The following KDM4C variants were observed in gnomAD, a reference collection of about 807,000 sequenced individuals.
KDM4C encodes the protein lysine demethylase 4C.
KDM4C carries 81 observed loss-of-function variants against 129.3 expected under a neutral mutation model. The observed-to-expected ratio is 0.63, with a 90% confidence interval of 0.52 to 0.75. The LOEUF (loss-of-function observed/expected upper bound fraction) is 0.75. KDM4C is among the 30% of genes least tolerant of loss of function. The pLI, the probability that KDM4C is intolerant of heterozygous loss-of-function variation, is 0.00. For missense variants in KDM4C, 1,457 were observed against 1,304.0 expected (o/e 1.12, Z -1.81); for synonymous variants, 573 against 456.1 (o/e 1.26, Z -3.26).
At chr9:7,133,512 C>G (rs908728227) in intron 19 of KDM4C, among the ~76,000 whole-genome samples, 1 of 152,202 alleles carries the variant, frequency 6.6e-6, no homozygotes, top group African/African-American at 2.4e-5. Context: ...AGAGTAAGTT[C>G]ACACTCATTT....
chr9:6,954,198 T>C (rs1214081223), intron 8 of KDM4C, among the ~76,000 whole-genome samples: 2 of 152,190 alleles, frequency 1.3e-5, no homozygotes, highest in Non-Finnish European at 2.9e-5. Flanking sequence ...TATCTTTCAG[T>C]GTCTAGTTCA....
chr9:6,772,692 CTTTT>C (rs111924156), intron 1 of KDM4C, among the ~76,000 whole-genome samples: 1 of 126,702 alleles, frequency 7.9e-6, no homozygotes, highest in Non-Finnish European at 1.7e-5. Context: ...TTTTCTTTTA[CTTTT>C]TTTTTTTTTT....
chr9:6,873,085 C>T (rs1446805866), intron 5 of KDM4C, among the ~76,000 whole-genome samples: 3 of 152,162 alleles, frequency 2.0e-5, no homozygotes, highest in Non-Finnish European at 4.4e-5. Flanking sequence ...CACCACTCCA[C>T]CTCTTGGGTT....
chr9:7,153,042 A>G (rs183974835), intron 19 of KDM4C, among the ~76,000 whole-genome samples: 1 of 152,290 alleles, frequency 6.6e-6, no homozygotes, highest in Non-Finnish European at 1.5e-5. Context: ...TCTTTAAGAA[A>G]TTTTACAGTT....
At chr9:6,857,239 C>G (rs966594709) in intron 5 of KDM4C, among the ~76,000 whole-genome samples, 5 of 152,110 alleles carry the variant, frequency 3.3e-5, no homozygotes, top group Non-Finnish European at 2.9e-5. Context: ...TCGAAACCAA[C>G]CTGGTTAACA....
chr9:6,740,673 C>T (rs968344964), intron 1 of KDM4C, among the ~76,000 whole-genome samples: 9 of 152,138 alleles, frequency 5.9e-5, no homozygotes, highest in Middle Eastern at 3.4e-3. Context: ...CGCGCGCCAC[C>T]ACATCCAGCA....
chr9:7,165,429 G>A, intron 20 of KDM4C, 72 bp downstream of exon 20: 1 of 1,525,578 alleles, frequency 6.6e-7, no homozygotes, highest in Non-Finnish European at 8.9e-7. Flanking sequence ...TATCTCAAGT[G>A]TGCTGCTGAA....
intron 6 of KDM4C, among the ~76,000 whole-genome samples, chr9:6,886,745 G>A (rs1186198296): frequency 6.6e-6 from 1 of 152,054 alleles, no homozygotes; most frequent in East Asian, 1.9e-4. Flanking sequence ...ACCCGCCTCA[G>A]CCTCCCAAAG....
At chr9:6,998,359 A>T (rs1039193498) in intron 12 of KDM4C, among the ~76,000 whole-genome samples, 1 of 152,208 alleles carries the variant, frequency 6.6e-6, no homozygotes, top group African/African-American at 2.4e-5. Flanking sequence ...TAACCCATCT[A>T]ACCCAGGTTT....
chr9:7,150,086 C>T (rs1483628203), intron 19 of KDM4C, among the ~76,000 whole-genome samples: 1 of 152,170 alleles, frequency 6.6e-6, no homozygotes, highest in Non-Finnish European at 1.5e-5. Context: ...TTTGGCTACA[C>T]CACTCAACAC....
rs562239116 is a variant in KDM4C, at chr9:6,762,255, C to A, written c.-18+4052C>A. 3.9e-5 allele frequency among the ~76,000 whole-genome samples: 6 copies of A among 152,194 alleles called. No individual in the cohort carries two copies. In the East Asian group the frequency reaches 1.2e-3, roughly 29 times the overall value. On this transcript the variant is annotated intron_variant, in intron 1 of 21. Transcript: ENST00000381309. ...TAACACTATCCCTCCCCCAGCCCCC[C>A]ACCCCACAACAGGCCCTGGTGTGTG...
chr9:6,881,979 C>T (rs182202985), intron 6 of KDM4C, among the ~76,000 whole-genome samples: 11 of 152,294 alleles, frequency 7.2e-5, no homozygotes, highest in African/African-American at 1.2e-4. Flanking sequence ...ATCTTGTCTG[C>T]GCATCATAAT....
intron 21 of KDM4C, among the ~76,000 whole-genome samples, chr9:7,171,209 C>T (rs187243595): frequency 6.6e-6 from 1 of 151,960 alleles, no homozygotes; most frequent in African/African-American, 2.4e-5. Flanking sequence ...TTGCTGCCCA[C>T]TCGATGGGAA....
At chr9:6,820,477 T>C (rs1412088319) in intron 4 of KDM4C, among the ~76,000 whole-genome samples, 1 of 152,186 alleles carries the variant, frequency 6.6e-6, no homozygotes, top group Non-Finnish European at 1.5e-5. Flanking sequence ...ATCTGACCCA[T>C]GGCCCCACAG....
intron 12 of KDM4C, among the ~76,000 whole-genome samples, chr9:7,010,333 GATT>G (rs1311092253): frequency 6.6e-6 from 1 of 152,138 alleles, no homozygotes. Flanking sequence ...ATGATAACGT[GATT>G]ATTATGATAA....
intron 17 of KDM4C, among the ~76,000 whole-genome samples, chr9:7,069,755 A>T (rs1208990847): frequency 6.6e-6 from 1 of 152,210 alleles, no homozygotes; most frequent in Non-Finnish European, 1.5e-5. Context: ...TGACTCCCTA[A>T]ATGGGTAAAG....
intron 18 of KDM4C, among the ~76,000 whole-genome samples, chr9:7,115,247 C>T (rs1256998677): frequency 2.0e-5 from 3 of 152,056 alleles, no homozygotes; most frequent in African/African-American, 4.8e-5. Flanking sequence ...TATTTTCATG[C>T]AAAATGCTTG....
intron 17 of KDM4C, chr9:7,076,533 T>C (rs1587483983): frequency 6.5e-7 from 1 of 1,538,250 alleles, no homozygotes; most frequent in East Asian, 2.4e-5. Context: ...TTACATCCCC[T>C]CCGCCACTGT....
At chr9:6,790,266 T>C (rs1469262440) in intron 1 of KDM4C, among the ~76,000 whole-genome samples, 1 of 151,736 alleles carries the variant, frequency 6.6e-6, no homozygotes, top group Non-Finnish European at 1.5e-5. Flanking sequence ...TTTTTTTTGT[T>C]TTTTTGTTTT....
Sources: gnomAD v4.1 joint callset for allele counts (sites outside exome capture counted in the v4.1 genomes callset) on GRCh38, gnomAD v4.1.1 for gene constraint, MANE v1.5 for transcripts, NCBI Gene and HGNC (gene_info 2026-07-23, HGNC 2026-07-21) for gene names.